UIMC1: variants seen among roughly 807,000 people sequenced by gnomAD.
UIMC1 encodes the protein BRCA1-A complex subunit RAP80.
Under a neutral mutation model 84.9 loss-of-function variants are expected in UIMC1, and 42 were observed. The observed-to-expected ratio is 0.49, with a 90% CI of 0.39 to 0.64. UIMC1 has a LOEUF of 0.64. Ranked by LOEUF, UIMC1 falls within the 30% of genes least tolerant of loss-of-function variation. The pLI, the probability that UIMC1 is intolerant of heterozygous loss-of-function variation, is 0.00. For missense variants in UIMC1, 825 were observed against 847.6 expected (o/e 0.97, Z 0.33); for synonymous variants, 281 against 293.0 (o/e 0.96, Z 0.42).
intron 5 of UIMC1, 22 bp from the exon 6 acceptor site, chr5:176,969,313 T>A: frequency 6.3e-7 from 1 of 1,583,920 alleles, no homozygotes; most frequent in Non-Finnish European, 8.6e-7. Flanking sequence ...TGAGAAAAAG[T>A]AGGGCTAAGG....
chr5:176,921,099 A>G (rs1484491988), intron 10 of UIMC1, among the ~76,000 whole-genome samples: 1 of 152,180 alleles, frequency 6.6e-6, no homozygotes, highest in Non-Finnish European at 1.5e-5. Context: ...TGTTAAACCA[A>G]CCTTTCAGAC....
intron 9 of UIMC1, 83 bp downstream of exon 9, chr5:176,951,391 T>C: frequency 1.8e-6 from 2 of 1,087,502 alleles, no homozygotes; most frequent in Non-Finnish European, 2.5e-6. Context: ...CTAAATCTTT[T>C]CAGCCAATGT....
intron 1 of UIMC1, among the ~76,000 whole-genome samples, chr5:177,019,962 A>C (rs1027339002): frequency 2.6e-5 from 4 of 151,990 alleles, no homozygotes; most frequent in African/African-American, 9.7e-5. Context: ...CTGGCCAAAC[A>C]TCAGTCACCT....
chr5:177,002,370 T>C (rs568001540), intron 1 of UIMC1, among the ~76,000 whole-genome samples: 3 of 152,270 alleles, frequency 2.0e-5, no homozygotes, highest in African/African-American at 7.2e-5. Flanking sequence ...AGGGTACTGA[T>C]TGGGAAAGAC....
chr5:176,981,231 G>A (rs1771002082), intron 2 of UIMC1, among the ~76,000 whole-genome samples: 2 of 145,252 alleles, frequency 1.4e-5, no homozygotes, highest in East Asian at 2.1e-4. Flanking sequence ...TGCAAGCTTC[G>A]CCTCCAGGGT....
In UIMC1 at chr5:176,908,413, T is replaced by C. The variant is rs553687778; in HGVS notation, c.1848+110A>G. The C allele has an allele frequency of 1.1e-5, 12 of 1,097,472 alleles. 1 individual carries two copies. Among genetic ancestry groups the C allele is most frequent in the Middle Eastern group, 6.6e-4 (2 of 3,020 alleles). 68.0% of individuals were successfully genotyped at this position (1,097,472 alleles called of 1,614,324 possible). On this transcript the variant is annotated intron_variant, in intron 12 of 14. Transcript: ENST00000511320. ...AGCACAAATCTTGTTTCAAGATAAA[T>C]AGAGGGAAGAGGGGAGGGAGAAGAG...
Position 176,968,661 on chromosome 5 carries a change from C to T in UIMC1, c.1094G>A (p.Arg365Lys). 1 of 1,614,118 alleles carries T rather than the reference C, an allele frequency of 6.2e-7. No homozygotes were observed. ...GGTTTTTGAGTGCCAGTCAGATGCC[C>T]TAGACTCCTGCCTCTCCTCTTTGTC... ...DEDKEERQES[R>K]ASDWHSKTKD... The change falls in exon 6 of 15, where the codon AGG (arginine) becomes AAG (lysine). Residue 365 changes from arginine (R) to lysine (K), a missense_variant. Coordinates refer to ENST00000511320, the MANE Select transcript of UIMC1 (RefSeq NM_001199298.2).
chr5:176,953,398 T>C (rs1387185585), intron 8 of UIMC1, among the ~76,000 whole-genome samples: 1 of 152,138 alleles, frequency 6.6e-6, no homozygotes, highest in Non-Finnish European at 1.5e-5. Context: ...TCTGCAAGTT[T>C]CTAATGTATC....
chr5:176,947,546 C>T (rs1178926395), intron 9 of UIMC1, among the ~76,000 whole-genome samples: 4 of 152,118 alleles, frequency 2.6e-5, no homozygotes, highest in Non-Finnish European at 5.9e-5. Context: ...CGGCCAGGCA[C>T]GGTGGCTCAC....
chr5:176,960,633 G>C (rs1379273198), intron 6 of UIMC1, among the ~76,000 whole-genome samples: 32 of 1,512 alleles, frequency 0.021, 3 homozygotes, highest in African/African-American at 0.07. Flanking sequence ...CTCCCCCTCC[G>C]TCTCCGTCTC....
intron 10 of UIMC1, among the ~76,000 whole-genome samples, chr5:176,915,636 A>C (rs1385169525): frequency 2.0e-5 from 3 of 151,574 alleles, no homozygotes; most frequent in Admixed American, 2.0e-4. Flanking sequence ...TTGTATTTTT[A>C]GTAGAGATGG....
At chr5:176,926,708 T>G (rs1218718385) in intron 10 of UIMC1, among the ~76,000 whole-genome samples, 2 of 151,996 alleles carry the variant, frequency 1.3e-5, no homozygotes, top group Non-Finnish European at 2.9e-5. Flanking sequence ...TCATGATTTA[T>G]GCAACTAACT....
intron 10 of UIMC1, among the ~76,000 whole-genome samples, chr5:176,930,898 T>G (rs1300875421): frequency 6.6e-6 from 1 of 152,246 alleles, no homozygotes; most frequent in Non-Finnish European, 1.5e-5. Context: ...ACAAGGTCAA[T>G]TCTGATGAGA....
At chr5:176,966,197 C>T (rs1368827843) in intron 6 of UIMC1, among the ~76,000 whole-genome samples, 1 of 152,184 alleles carries the variant, frequency 6.6e-6, no homozygotes, top group Admixed American at 6.6e-5. Context: ...CCTTTGATCC[C>T]TTAGAGAGAA....
intron 1 of UIMC1, among the ~76,000 whole-genome samples, chr5:176,996,722 G>A (rs1561913466): frequency 6.6e-6 from 1 of 152,116 alleles, no homozygotes; most frequent in African/African-American, 2.4e-5. Context: ...TTTAACCAGG[G>A]AAGGACAGAA....
chr5:177,008,749 A>T (rs1217490470), upstream of UIMC1, among the ~76,000 whole-genome samples: 1 of 152,130 alleles, frequency 6.6e-6, no homozygotes, highest in Non-Finnish European at 1.5e-5. Context: ...TTAATAACTC[A>T]CTTCTAAACA....
At chr5:176,926,016 G>A (rs1038120557) in intron 10 of UIMC1, among the ~76,000 whole-genome samples, 4 of 152,082 alleles carry the variant, frequency 2.6e-5, no homozygotes, top group African/African-American at 7.2e-5. Context: ...ACATAGATTT[G>A]TAATAAAACA....
chr5:176,946,638 C>A (rs1478061594), intron 9 of UIMC1, among the ~76,000 whole-genome samples: 2 of 152,140 alleles, frequency 1.3e-5, no homozygotes, highest in Non-Finnish European at 2.9e-5. Context: ...AGTTTGAGAC[C>A]AGCCTGGCTA....
At chr5:176,967,990 T>C (rs545937363) in intron 6 of UIMC1, among the ~76,000 whole-genome samples, 56 of 151,858 alleles carry the variant, frequency 3.7e-4, no homozygotes, top group Non-Finnish European at 7.2e-4. Flanking sequence ...TGATCTAAGA[T>C]AAACTATAAA....
Sources: gnomAD v4.1 joint callset for allele counts (sites outside exome capture counted in the v4.1 genomes callset) on GRCh38, gnomAD v4.1.1 for gene constraint, MANE v1.5 for transcripts, NCBI Gene and HGNC (gene_info 2026-07-23, HGNC 2026-07-21) for gene names.